The following GTPBP2 variants were observed in gnomAD, a reference collection of about 807,000 sequenced individuals.
GTPBP2 encodes GTP binding protein 2.
GTPBP2 carries 32 observed loss-of-function variants against 63.0 expected under a neutral mutation model. The ratio of observed to expected loss-of-function variants is 0.51; its 90% CI spans 0.38 to 0.68. The LOEUF (loss-of-function observed/expected upper bound fraction) is 0.68. GTPBP2 is among the 30% of genes least tolerant of loss of function. The probability of loss-of-function intolerance (pLI) is 0.00; values close to 1 mark genes in which losing one functional copy is unlikely to be tolerated. For missense variants in GTPBP2, 492 were observed against 796.9 expected (o/e 0.62, Z 4.61); for synonymous variants, 310 against 322.6 (o/e 0.96, Z 0.42).
chr6:43,627,092 A>T, intron 1 of GTPBP2, 144 bp from the exon 2 acceptor site: 1 of 744,248 alleles, frequency 1.3e-6, no homozygotes, highest in Non-Finnish European at 2.1e-6. Flanking sequence ...GTCAAAGGTC[A>T]GTGGCAGACA....
Position 43,622,561 on chromosome 6 carries a change from G to A in GTPBP2, c.1467+72C>T, listed in dbSNP as rs984221460. On this transcript the variant is annotated intron_variant, in intron 10 of 11. Transcript: ENST00000307126. This position sits in a 1 kb window ranked among gnomAD's most constrained non-coding sequence, Gnocchi z 5.4. ...AGTTTCTCTGAAGCACCTTAGATAG[G>A]TGCTCATTCAGTAGCCAGTCTCCTA... 7 of 1,392,220 alleles carry A rather than the reference G, an allele frequency of 5.0e-6. No individual in the cohort carries two copies. The highest frequency in any genetic ancestry group is 5.0e-6 in the Non-Finnish European group (5 of 999,514). 86.2% of individuals were successfully genotyped at this position (1,392,220 alleles called of 1,614,324 possible). A position where few individuals can be genotyped will look rare whatever the true frequency, so the allele number is the denominator to read the frequency against.
Position 43,624,810 on chromosome 6 carries a change from C to G in GTPBP2, c.880+78G>C, listed in dbSNP as rs2127840782. ...GAGAGGGAAGAAGAGGAGCATTGGT[C>G]TGTCTCCAAGATTTGAGGCCCAGGG... is the stretch of plus-strand genomic sequence containing the variant. On this transcript the variant is annotated intron_variant, in intron 6 of 11. Transcript: ENST00000307126. The surrounding 1 kb of genome is among the most constrained non-coding windows in gnomAD (Gnocchi z 5.1). 1 of 1,584,976 alleles carries G rather than the reference C, an allele frequency of 6.3e-7. No individual in the cohort carries two copies. Among genetic ancestry groups the G allele is most frequent in the South Asian group, 1.1e-5 (1 of 90,352 alleles).
Position 43,625,866 on chromosome 6 carries a change from T to A in GTPBP2, c.399-2A>T. ...AGAACGGTTATGTCTGCCCCAACCC[T>A]GTCACAGCAAGGCCACAGCTGCCAT... On this transcript the variant is annotated splice_acceptor_variant, in intron 3 of 11. Coordinates refer to ENST00000307126, the MANE Select transcript of GTPBP2 (RefSeq NM_019096.5). LOFTEE classifies it high-confidence loss of function. This position sits in a 1 kb window ranked among gnomAD's most constrained non-coding sequence, Gnocchi z 5.1. The A allele has an allele frequency of 1.9e-6, 3 of 1,610,934 alleles. No homozygotes were observed. Among genetic ancestry groups the A allele is most frequent in the Non-Finnish European group, 2.5e-6 (3 of 1,177,118 alleles).
Position 43,629,111 on chromosome 6 carries a change from C to A in GTPBP2, c.52G>T (p.Gly18Cys). 2 of 1,540,690 alleles carry A rather than the reference C, an allele frequency of 1.3e-6. No homozygotes were observed. The highest frequency in any genetic ancestry group is 8.7e-7 in the Non-Finnish European group (1 of 1,149,500). Residue 18 changes from glycine to cysteine, a missense_variant, in exon 1 of 12, where the codon GGC (glycine) becomes TGC (cysteine). Coordinates refer to ENST00000307126, the MANE Select transcript of GTPBP2 (RefSeq NM_019096.5). The part of the protein sequence containing the change: ...LFGGCCRPGG[G>C]PAVGGTLKAR... Reference sequence around the variant, plus strand: ...TTGAGGGTTCCGCCCACGGCCGGGCCCCCTCCGGGCCGGCAGCAGCCGCCG... The same window carrying A: ...TTGAGGGTTCCGCCCACGGCCGGGCACCCTCCGGGCCGGCAGCAGCCGCCG...
In GTPBP2 at chr6:43,626,405, C is replaced by T. The variant is rs1190106244; in HGVS notation, c.219G>A (p.Lys73=). The T allele has an allele frequency of 6.2e-7, 1 of 1,613,880 alleles. No homozygotes were observed. Among genetic ancestry groups the T allele is most frequent in the Non-Finnish European group, 8.5e-7 (1 of 1,179,784 alleles). The change falls in exon 3 of 12, where the codon AAG becomes AAA. Residue 73 remains lysine (K), a synonymous_variant. Coordinates refer to ENST00000307126, the MANE Select transcript of GTPBP2 (RefSeq NM_019096.5). This position sits in a 1 kb window ranked among gnomAD's most constrained non-coding sequence, Gnocchi z 4.0. ...AEDGNIEYKL[K]LVNPSQYRFE... ...AGCGGTACTGGGATGGATTCACCAG[C>T]TTCAACTTAGGGCAAGTGGGGTATC...
chr6:43,623,997 AT>A lies in GTPBP2; in HGVS notation c.1171del (p.Ile391PhefsTer18), dbSNP rs1769067771. The A allele has an allele frequency of 6.2e-7, 1 of 1,614,036 alleles. No individual in the cohort carries two copies. Among genetic ancestry groups the A allele is most frequent in the Non-Finnish European group, 8.5e-7 (1 of 1,179,998 alleles). On this transcript the variant is annotated frameshift_variant, in exon 8 of 12. Coordinates refer to ENST00000307126, the MANE Select transcript of GTPBP2 (RefSeq NM_019096.5). LOFTEE classifies it high-confidence loss of function. Reference sequence around the variant, plus strand: ...TTTGCTGTTGGTGAGTGGCGGCAGAATATTCAGAAAGACTTTGAGGAGGTCC... The same window carrying A: ...TTTGCTGTTGGTGAGTGGCGGCAGAAATTCAGAAAGACTTTGAGGAGGTCC... ...SLDLLKVFLN[I>X]LPPLTNSKEQ...
upstream of GTPBP2, among the ~76,000 whole-genome samples, chr6:43,630,928 A>AAAAG (rs1167608739): frequency 2.9e-4 from 44 of 151,178 alleles, no homozygotes; most frequent in Non-Finnish European, 3.8e-4. Flanking sequence ...AAAAAAAAAA[A>AAAAG]AAAGAAAGAA....
Position 43,629,202 on chromosome 6 carries a change from A to ACCG in GTPBP2, c.-43_-41dup, listed in dbSNP as rs1219369252. 148 of 1,066,934 alleles carry ACCG rather than the reference A, an allele frequency of 1.4e-4. No individual in the cohort carries two copies. The highest frequency in any genetic ancestry group is 8.0e-4 in the Middle Eastern group (2 of 2,510). The allele number at this position is 1,066,934 out of a possible 1,614,324, so 66.1% of individuals were successfully genotyped here. ...AGCCCCCCGCCCGGCCCCTCCCCCG[A>ACCG]CCGCCGCCGCCGTCGCCGCCGCCCT... On this transcript the variant is annotated 5_prime_UTR_variant, in exon 1 of 12. Coordinates refer to ENST00000307126, the MANE Select transcript of GTPBP2 (RefSeq NM_019096.5).
At chr6:43,629,511 C>T (rs749864433), upstream of GTPBP2, 3 of 611,446 alleles carry the variant, frequency 4.9e-6, no homozygotes, top group Admixed American at 2.9e-5. Flanking sequence ...ACTTCCAGTC[C>T]TCGCGCTATG....
At position 43,620,704 on chromosome 6, in the gene GTPBP2, GAGGGA is replaced by G. The variant is rs1344332785; in HGVS notation, c.*905_*909del. The stretch of plus-strand genomic sequence containing the variant: ...CCTTTCCTCCTGGTTCCCTGCAACA[GAGGGA>G]AGGGAACAGTCACTACAAATTACTA... On this transcript the variant is annotated 3_prime_UTR_variant, in exon 12 of 12. Transcript: ENST00000307126. 1.3e-5 allele frequency: 2 copies of G among 152,938 alleles called. No individual in the cohort carries two copies. The highest frequency in any genetic ancestry group is 6.5e-5 in the Admixed American group (1 of 15,286). 9.5% of individuals were successfully genotyped at this position (152,938 alleles called of 1,614,324 possible). A position where few individuals can be genotyped will look rare whatever the true frequency, so the allele number is the denominator to read the frequency against.
upstream of GTPBP2, chr6:43,629,649 G>A: frequency 7.7e-7 from 1 of 1,299,574 alleles, no homozygotes; most frequent in Non-Finnish European, 1.1e-6. Context: ...GCCCTTTAGC[G>A]CGGATCCTAG....
rs375105778 is a variant in GTPBP2 at position 43,622,586 on chromosome 6, A to T, written c.1467+47T>A. ...GTGCTCATTCAGTAGCCAGTCTCCTAGGCACTTCTCTTAGCGTTCCCTCCC... is the reference window on the plus strand; with the variant it reads ...GTGCTCATTCAGTAGCCAGTCTCCTTGGCACTTCTCTTAGCGTTCCCTCCC... On this transcript the variant is annotated intron_variant, in intron 10 of 11. Coordinates refer to ENST00000307126, the MANE Select transcript of GTPBP2 (RefSeq NM_019096.5). This position sits in a 1 kb window ranked among gnomAD's most constrained non-coding sequence, Gnocchi z 5.4. 2.2e-5 allele frequency: 34 copies of T among 1,550,674 alleles called. No individual in the cohort carries two copies. Among genetic ancestry groups the T allele is most frequent in the Non-Finnish European group, 2.9e-5 (33 of 1,129,706 alleles).
At chr6:43,627,892 A>C (rs1769506786) in intron 1 of GTPBP2, among the ~76,000 whole-genome samples, 1 of 146,946 alleles carries the variant, frequency 6.8e-6, no homozygotes, top group Admixed American at 6.6e-5. Context: ...CATCAATAAA[A>C]ACCTTTTAAT....
At position 43,625,425 on chromosome 6, in the gene GTPBP2, T is replaced by C. The variant is rs201114784; in HGVS notation, c.643A>G (p.Ile215Val). The change falls in exon 5 of 12, where the codon ATT becomes GTT. Residue 215 changes from isoleucine to valine, a missense_variant. Physicochemically the swap from Ile to Val is conservative, Grantham distance 29. Coordinates refer to ENST00000307126, the MANE Select transcript of GTPBP2 (RefSeq NM_019096.5). The surrounding 1 kb of genome is among the most constrained non-coding windows in gnomAD (Gnocchi z 5.1). ...ATGCTGGAGGTTCGGCCAGACTGAA[T>C]CTCATGCAGGTGGCGGAAAAGGTTG... ...RLNLFRHLHE[I>V]QSGRTSSISF... The C allele has an allele frequency of 2.5e-6, 4 of 1,614,066 alleles. No individual in the cohort carries two copies. Among genetic ancestry groups the C allele is most frequent in the Non-Finnish European group, 2.5e-6 (3 of 1,180,002 alleles).
At chr6:43,628,470 C>CTGTGTGTGTGTGTGTG (rs60906505) in intron 1 of GTPBP2, 2 of 421,980 alleles carry the variant, frequency 4.7e-6, no homozygotes, top group Non-Finnish European at 6.3e-6. Context: ...CTGGCTTAGG[C>CTGTGTGTGTGTGTGTG]TGTGTGTGTG....
intron 1 of GTPBP2, 188 bp downstream of exon 1, chr6:43,628,789 C>G: frequency 1.2e-6 from 1 of 809,104 alleles, no homozygotes; most frequent in Non-Finnish European, 2.2e-6. Context: ...GTCCTGTCAC[C>G]TGAGAGTCCA....
At chr6:43,623,889 C>A in intron 8 of GTPBP2, 44 bp downstream of exon 8, 1 of 1,613,302 alleles carries the variant, frequency 6.2e-7, no homozygotes, top group Non-Finnish European at 8.5e-7. Context: ...TGAAGCAGCC[C>A]CTCCCTGTTT....
In GTPBP2 at chr6:43,624,012, TTGA is replaced by T; in HGVS notation, c.1154_1156del (p.Leu385_Lys386delinsGln). ...TGGCGGCAGAATATTCAGAAAGACT[TTGA>T]GGAGGTCCAGACTCTCTCCAGACAC... On this transcript the variant is annotated inframe_deletion, in exon 8 of 12. Coordinates refer to ENST00000307126, the MANE Select transcript of GTPBP2 (RefSeq NM_019096.5). This position sits in a 1 kb window ranked among gnomAD's most constrained non-coding sequence, Gnocchi z 5.1. 6.2e-7 allele frequency: 1 copy of T among 1,613,856 alleles called. No homozygotes were observed. The highest frequency in any genetic ancestry group is 1.1e-5 in the South Asian group (1 of 91,070).
rs749364704 is a variant in GTPBP2, at chr6:43,621,382, G to A, written c.*232C>T. On this transcript the variant is annotated 3_prime_UTR_variant, in exon 12 of 12. Transcript: ENST00000307126. ...CAGGTTTGATGAGCCAACCAGGTGA[G>A]CACACAGCTTCGGAGCACTGCCCTG... is the stretch of plus-strand genomic sequence containing the variant. 2 of 1,507,142 alleles carry A rather than the reference G, an allele frequency of 1.3e-6. No individual in the cohort carries two copies. Among genetic ancestry groups the A allele is most frequent in the South Asian group, 2.4e-5 (2 of 82,760 alleles). The allele number at this position is 1,507,142 out of a possible 1,614,324, so 93.4% of individuals were successfully genotyped here.
Sources: gnomAD v4.1 joint callset for allele counts (sites outside exome capture counted in the v4.1 genomes callset) on GRCh38, gnomAD v4.1.1 for gene constraint, Gnocchi (gnomAD v3.1) non-coding constraint, MANE v1.5 for transcripts, NCBI Gene and HGNC (gene_info 2026-07-23, HGNC 2026-07-21) for gene names.